Variants in ESF1 observed in about 807,000 individuals in gnomAD.
ESF1 encodes the protein ESF1 nucleolar pre-rRNA processing protein, also known as ESF1 homolog.
Under a neutral mutation model 92.0 loss-of-function variants are expected in ESF1, and 58 were observed. That is an observed-to-expected ratio of 0.63 (90% CI 0.51 to 0.78). ESF1 has a LOEUF of 0.78. Among genes scored for constraint, ESF1 ranks in the 30% least tolerant of loss-of-function variants. The pLI is 0.00. For synonymous variants in ESF1, 321 were observed against 313.7 expected, an observed-to-expected ratio of 1.02 and a Z score of -0.24; for missense variants, 922 against 989.1, an observed-to-expected ratio of 0.93 and a Z score of 0.91.
intron 1 of ESF1, 149 bp downstream of exon 1, chr20:13,784,731 G>C (rs1271455221): frequency 3.0e-6 from 1 of 331,226 alleles, no homozygotes; most frequent in African/African-American, 2.1e-5. Context: ...TGAAGAATGA[G>C]ACCGAAAAAG....
chr20:13,718,257 T>G (rs992234594), intron 12 of ESF1, among the ~76,000 whole-genome samples: 1 of 152,234 alleles, frequency 6.6e-6, no homozygotes, highest in Non-Finnish European at 1.5e-5. Context: ...TAAAAATTGA[T>G]TTTCTTTGTT....
chr20:13,759,844 CCAT>C lies in ESF1; in HGVS notation c.1673_1675del (p.Asp558del). Reference sequence around the variant, plus strand: ...TTTCCCATCTTCTTCTACATTGACTCCATCATCACCTAATGAAAAAAAAATTCA... The same window carrying C: ...TTTCCCATCTTCTTCTACATTGACTCCATCACCTAATGAAAAAAAAATTCA... On this transcript the variant is annotated inframe_deletion, in exon 9 of 14. Transcript: ENST00000617257. 6.3e-7 allele frequency: 1 copy of C among 1,588,198 alleles called. No homozygotes were observed. Among genetic ancestry groups the C allele is most frequent in the Non-Finnish European group, 8.5e-7 (1 of 1,172,942 alleles).
intron 11 of ESF1, among the ~76,000 whole-genome samples, chr20:13,720,993 A>C (rs191768966): frequency 5.9e-5 from 9 of 152,302 alleles, no homozygotes; most frequent in African/African-American, 7.2e-5. Context: ...CGTGGTGGCC[A>C]GCACCTGTAG....
At chr20:13,716,602 C>T (rs1435003314) in intron 13 of ESF1, among the ~76,000 whole-genome samples, 1 of 151,468 alleles carries the variant, frequency 6.6e-6, no homozygotes, top group Non-Finnish European at 1.5e-5. Context: ...TAGCCTTTGG[C>T]TCCACCATCA....
chr20:13,733,534 A>G (rs1294809912), intron 10 of ESF1, among the ~76,000 whole-genome samples, 187 bp downstream of exon 10: 1 of 152,216 alleles, frequency 6.6e-6, no homozygotes, highest in East Asian at 1.9e-4. Context: ...CAGGCTTTGT[A>G]CACCATTATG....
Position 13,768,411 on chromosome 20 carries a change from C to T in ESF1, c.1519-1487G>A, listed in dbSNP as rs1465071372. On this transcript the variant is annotated intron_variant, in intron 7 of 13. Transcript: ENST00000617257. ...CGGCCTGACTAACATGGTGAAACCC[C>T]GTCTGTACTAAATATACAAAATTAG... Among the ~76,000 whole-genome samples, 5 of 152,024 alleles carry T rather than the reference C, an allele frequency of 3.3e-5. 1 individual carries two copies. In the South Asian group the frequency reaches 6.3e-4, roughly 19 times the overall value.
intron 1 of ESF1, among the ~76,000 whole-genome samples, chr20:13,784,270 T>C (rs78085120): frequency 5.9e-5 from 8 of 135,030 alleles, no homozygotes; most frequent in Admixed American, 2.6e-4. Context: ...CCAAAAGTCG[T>C]TGATTATTAA....
chr20:13,769,785 CAAG>C (rs1979597056), intron 7 of ESF1, 119 bp downstream of exon 7: 1 of 730,760 alleles, frequency 1.4e-6, no homozygotes, highest in Non-Finnish European at 2.3e-6. Flanking sequence ...GACTCTGTCT[CAAG>C]AAAAAATAAT....
intron 9 of ESF1, among the ~76,000 whole-genome samples, chr20:13,750,165 T>C (rs1182865821): frequency 1.3e-5 from 2 of 151,864 alleles, no homozygotes; most frequent in East Asian, 3.9e-4. Flanking sequence ...GGTCCCAGAG[T>C]GAGATTAAAT....
At chr20:13,731,481 G>C (rs952157580) in intron 10 of ESF1, among the ~76,000 whole-genome samples, 1 of 144,000 alleles carries the variant, frequency 6.9e-6, no homozygotes, top group African/African-American at 2.6e-5. Context: ...GCAGTGAGCC[G>C]AGATCAGGCC....
At chr20:13,778,255 T>C (rs1980030419) in intron 2 of ESF1, among the ~76,000 whole-genome samples, 1 of 152,066 alleles carries the variant, frequency 6.6e-6, no homozygotes, top group South Asian at 2.1e-4. Flanking sequence ...AACTAGCCAA[T>C]AGAAGTGAAA....
chr20:13,768,209 T>C (rs996225561), intron 7 of ESF1, among the ~76,000 whole-genome samples: 2 of 152,178 alleles, frequency 1.3e-5, no homozygotes, highest in African/African-American at 4.8e-5. Flanking sequence ...ATACAGCTAC[T>C]CTCTCTGCTA....
chr20:13,758,129 T>C (rs1361682703), intron 9 of ESF1, among the ~76,000 whole-genome samples: 1 of 152,202 alleles, frequency 6.6e-6, no homozygotes, highest in Admixed American at 6.5e-5. Context: ...TCTAATAATA[T>C]AGAGAATTCC....
At chr20:13,730,409 A>G in intron 10 of ESF1, among the ~76,000 whole-genome samples, 1 of 132,960 alleles carries the variant, frequency 7.5e-6, no homozygotes, top group African/African-American at 2.9e-5. Context: ...TTTGAGACGG[A>G]GTCTCACTCT....
At chr20:13,784,774 T>A in intron 1 of ESF1, 106 bp downstream of exon 1, 1 of 452,700 alleles carries the variant, frequency 2.2e-6, no homozygotes, top group Admixed American at 3.7e-5. Context: ...CCCTCGCAGA[T>A]CCGAAAGAGA....
rs2147721216 is a variant in ESF1, at chr20:13,723,266, T to G, written c.2039-4282A>C. On this transcript the variant is annotated intron_variant, in intron 11 of 13. Transcript: ENST00000617257. ...TAAGCGCCCTAGTGATTTACTCTTTTGTACCAAGTTCCTGCATCACTTGCC... is the reference window on the plus strand; with the variant it reads ...TAAGCGCCCTAGTGATTTACTCTTTGGTACCAAGTTCCTGCATCACTTGCC... 2.0e-5 allele frequency among the ~76,000 whole-genome samples: 3 copies of G among 152,272 alleles called. No homozygotes were observed. In the South Asian group the frequency reaches 6.2e-4, roughly 32 times the overall value.
intron 4 of ESF1, among the ~76,000 whole-genome samples, chr20:13,773,793 A>G (rs1240489561): frequency 6.6e-6 from 1 of 152,094 alleles, no homozygotes. Flanking sequence ...ATGATTTCTC[A>G]AAAGTTTATT....
In ESF1 at chr20:13,782,718, T is replaced by C. The variant is rs1980260497; in HGVS notation, c.423A>G (p.Lys141=). The C allele has an allele frequency of 7.6e-6, 12 of 1,586,452 alleles. No individual in the cohort carries two copies. The highest frequency in any genetic ancestry group is 1.0e-5 in the Non-Finnish European group (12 of 1,171,746). ...LDNSIGIKKM[K]TSCKFKIDSN... Reference sequence around the variant, plus strand: ...AATCTATCTTAAATTTACATGAGGTTTTCATTTTTTTAATTCCTATAGAAT... The same window carrying C: ...AATCTATCTTAAATTTACATGAGGTCTTCATTTTTTTAATTCCTATAGAAT... Residue 141 remains lysine, a synonymous_variant, in exon 2 of 14, where the codon AAA becomes AAG. Coordinates refer to ENST00000617257, the MANE Select transcript of ESF1 (RefSeq NM_001276380.2).
intron 8 of ESF1, among the ~76,000 whole-genome samples, chr20:13,760,954 G>T (rs963127202): frequency 3.9e-5 from 6 of 152,230 alleles, no homozygotes; most frequent in Non-Finnish European, 5.9e-5. Context: ...GAAAGGTGGG[G>T]AAAAGACTGA....
Sources: allele counts gnomAD v4.1 joint callset (sites outside exome capture counted in the v4.1 genomes callset), GRCh38; gene constraint gnomAD v4.1.1; transcripts MANE v1.5; gene names NCBI Gene and HGNC (gene_info 2026-07-23, HGNC 2026-07-21).